Variants in NSFL1C observed in about 807,000 individuals in gnomAD.
The protein encoded by NSFL1C is NSFL1 cofactor.
Under a neutral mutation model 43.1 loss-of-function variants are expected in NSFL1C, and 14 were observed. That is an observed-to-expected ratio of 0.32 (90% CI 0.21 to 0.51). NSFL1C has a LOEUF of 0.51. NSFL1C is among the 20% of genes least tolerant of loss of function. The pLI is 0.98. For missense variants in NSFL1C, 406 were observed against 472.5 expected (o/e 0.86, Z 1.30); for synonymous variants, 171 against 183.5 (o/e 0.93, Z 0.55).
intron 7 of NSFL1C, among the ~76,000 whole-genome samples, chr20:1,448,290 G>C (rs2090110107): frequency 1.3e-5 from 2 of 152,246 alleles, no homozygotes; most frequent in Non-Finnish European, 2.9e-5. Context: ...ACCACCATTT[G>C]GCCTCTGCTC....
Position 1,448,403 on chromosome 20 carries a change from G to A in NSFL1C, c.786-2573C>T, listed in dbSNP as rs367566220. Among the ~76,000 whole-genome samples, 17 of 152,318 alleles carry A rather than the reference G, an allele frequency of 1.1e-4. No homozygotes were observed. The South Asian group carries it at 2.3e-3, about 20-fold the overall frequency. ...AGCTGTTCTGTTGTGAGGATGAGAC[G>A]AGATAATGTGCACGCAAGGCCTGGT... On this transcript the variant is annotated intron_variant, in intron 7 of 8. Transcript: ENST00000216879.
intron 7 of NSFL1C, among the ~76,000 whole-genome samples, chr20:1,447,541 C>G (rs942908614): frequency 7.9e-6 from 1 of 125,832 alleles, no homozygotes; most frequent in Non-Finnish European, 1.8e-5. Flanking sequence ...AGCCAAAAGA[C>G]TGGACATTCC....
intron 6 of NSFL1C, among the ~76,000 whole-genome samples, 162 bp from the exon 7 acceptor site, chr20:1,452,792 CTT>C (rs912149184): frequency 1.5e-4 from 23 of 152,316 alleles, no homozygotes; most frequent in Non-Finnish European, 2.8e-4. Flanking sequence ...CACCTTTTCT[CTT>C]GTTTGTTCAG....
intron 2 of NSFL1C, chr20:1,464,004 A>G (rs112737032): frequency 3.1e-4 from 93 of 295,842 alleles, no homozygotes; most frequent in Middle Eastern, 1.9e-3. Flanking sequence ...TTTCACATCT[A>G]TAGCACCCTT....
rs2122869648 is a variant in NSFL1C, at chr20:1,452,510, C to T, written c.768G>A (p.Glu256=). ...PKGAFKAFTG[E]GQKLGSTAPQ... is the part of the protein sequence containing the mutation. ...CCCCTTACCTGCCCAGTTTCTGACCCTCGCCAGTGAAGGCTTTGAAGGCTC... is the reference window on the plus strand; with the variant it reads ...CCCCTTACCTGCCCAGTTTCTGACCTTCGCCAGTGAAGGCTTTGAAGGCTC... The change falls in exon 7 of 9, where the codon GAG becomes GAA. Residue 256 remains glutamate, a synonymous_variant. Coordinates refer to ENST00000216879, the MANE Select transcript of NSFL1C (RefSeq NM_016143.5). 6.2e-7 allele frequency: 1 copy of T among 1,614,184 alleles called. No individual in the cohort carries two copies. The highest frequency in any genetic ancestry group is 8.5e-7 in the Non-Finnish European group (1 of 1,180,024).
At chr20:1,452,916 A>G in intron 6 of NSFL1C, 115 bp downstream of exon 6, 1 of 753,980 alleles carries the variant, frequency 1.3e-6, no homozygotes, top group East Asian at 2.4e-5. Context: ...TATCTCAACT[A>G]TGCTGAATCT....
intron 1 of NSFL1C, among the ~76,000 whole-genome samples, chr20:1,465,089 G>A (rs912379276): frequency 3.3e-5 from 5 of 152,136 alleles, no homozygotes; most frequent in African/African-American, 1.2e-4. Context: ...ATGCATACTC[G>A]CATCTTAGGT....
chr20:1,453,010 C>G (rs768391340), intron 6 of NSFL1C, 21 bp downstream of exon 6: 8 of 1,355,404 alleles, frequency 5.9e-6, no homozygotes, highest in Non-Finnish European at 8.5e-6. Context: ...TTGGGACCTA[C>G]AGGAGGGCTT....
intron 1 of NSFL1C, among the ~76,000 whole-genome samples, chr20:1,464,702 A>G (rs2090475725): frequency 1.3e-5 from 2 of 152,360 alleles, no homozygotes; most frequent in South Asian, 4.1e-4. Flanking sequence ...TGATCTAGTA[A>G]AAGTAGCACA....
chr20:1,454,099 CTG>C lies in NSFL1C; in HGVS notation c.537+112_537+113del, dbSNP rs1334100267. ...GTGAACCACAGCAAGGGCACTGTCT[CTG>C]TTAGTTTCCCTTTCAGAGGCTGCTG... On this transcript the variant is annotated intron_variant, in intron 5 of 8. Transcript: ENST00000216879. 16 of 794,114 alleles carry C rather than the reference CTG, an allele frequency of 2.0e-5. No homozygotes were observed. The East Asian group carries it at 4.0e-4, about 20-fold the overall frequency. 49.2% of individuals were successfully genotyped at this position (794,114 alleles called of 1,614,324 possible). A position where few individuals can be genotyped will look rare whatever the true frequency, so the allele number is the denominator to read the frequency against.
chr20:1,449,229 A>G (rs749581114), intron 7 of NSFL1C, among the ~76,000 whole-genome samples: 4 of 151,836 alleles, frequency 2.6e-5, no homozygotes, highest in African/African-American at 4.9e-5. Context: ...TAACAACATA[A>G]AACACTCGAC....
chr20:1,464,598 C>T (rs1398747118), intron 1 of NSFL1C, among the ~76,000 whole-genome samples, 172 bp from the exon 2 acceptor site: 2 of 152,206 alleles, frequency 1.3e-5, no homozygotes, highest in Non-Finnish European at 2.9e-5. Context: ...GTCTTCGTGT[C>T]AACTGAAACA....
Position 1,443,585 on chromosome 20 carries a change from G to A in NSFL1C, c.*164C>T. 1 of 590,294 alleles carries A rather than the reference G, an allele frequency of 1.7e-6. No individual in the cohort carries two copies. Among genetic ancestry groups the A allele is most frequent in the Non-Finnish European group, 2.9e-6 (1 of 349,876 alleles). The allele number at this position is 590,294 out of a possible 1,614,324, so 36.6% of individuals were successfully genotyped here. The stretch of plus-strand genomic sequence containing the variant: ...ACAAAAACCCAGGAAATGCAACTAA[G>A]GAGAAAACAAACGTCCAACCAAGAT... On this transcript the variant is annotated 3_prime_UTR_variant, in exon 9 of 9. Coordinates refer to ENST00000216879, the MANE Select transcript of NSFL1C (RefSeq NM_016143.5).
At position 1,458,287 on chromosome 20, in the gene NSFL1C, A is replaced by G. The variant is rs928563690; in HGVS notation, c.204-13T>C. ...CACTCTATTATCACTGGAGACACAG[A>G]AAGGAGCAAAATGATCTCAGGGAGC... On this transcript the variant is annotated splice_polypyrimidine_tract_variant and intron_variant, in intron 2 of 8. Transcript: ENST00000216879. 3.1e-6 allele frequency: 5 copies of G among 1,608,436 alleles called. No individual in the cohort carries two copies. The highest frequency in any genetic ancestry group is 3.4e-6 in the Non-Finnish European group (4 of 1,174,908).
At chr20:1,445,465 C>T (rs2090037999) in intron 8 of NSFL1C, among the ~76,000 whole-genome samples, 1 of 152,188 alleles carries the variant, frequency 6.6e-6, no homozygotes, top group African/African-American at 2.4e-5. Flanking sequence ...AGTGAACAGT[C>T]ACTGGCCACA....
chr20:1,455,751 A>C, intron 3 of NSFL1C: 1 of 779,316 alleles, frequency 1.3e-6, no homozygotes, highest in Non-Finnish European at 2.4e-6. Flanking sequence ...TCAAATCAGC[A>C]GATGTATGCA....
rs2090047648 is a variant in NSFL1C, at chr20:1,445,824, G to A, written c.792C>T (p.Ala264=). ...GAGAGCTGGTACTCAACACCTGGGGGGCAGTGCTGAGGAGAGAGGATGGCA... is the reference window on the plus strand; with the variant it reads ...GAGAGCTGGTACTCAACACCTGGGGAGCAGTGCTGAGGAGAGAGGATGGCA... ...TGEGQKLGST[A]PQVLSTSSPA... is the part of the protein sequence containing the mutation. The change falls in exon 8 of 9, where the codon GCC becomes GCT. Residue 264 remains alanine, a synonymous_variant. Coordinates refer to ENST00000216879, the MANE Select transcript of NSFL1C (RefSeq NM_016143.5). 1 of 1,613,824 alleles carries A rather than the reference G, an allele frequency of 6.2e-7. No homozygotes were observed. The highest frequency in any genetic ancestry group is 1.3e-5 in the African/African-American group (1 of 74,868).
chr20:1,455,163 C>G (rs1231117706), intron 3 of NSFL1C, 31 bp from the exon 4 acceptor site: 1 of 1,613,304 alleles, frequency 6.2e-7, no homozygotes, highest in African/African-American at 1.3e-5. Flanking sequence ...TAACATGAAA[C>G]ACTCATGGAA....
chr20:1,444,353 C>T (rs1350335689), intron 8 of NSFL1C, among the ~76,000 whole-genome samples: 1 of 152,210 alleles, frequency 6.6e-6, no homozygotes, highest in African/African-American at 2.4e-5. Context: ...GCCCTCCTTC[C>T]ACGTTTCTGG....
Sources: allele counts gnomAD v4.1 joint callset (sites outside exome capture counted in the v4.1 genomes callset), GRCh38; gene constraint gnomAD v4.1.1; transcripts MANE v1.5; gene names NCBI Gene and HGNC (gene_info 2026-07-23, HGNC 2026-07-21).